PCDH15: variants seen among roughly 807,000 people sequenced by gnomAD.
PCDH15 encodes the protein protocadherin related 15, also known as protocadherin-15.
A neutral mutation model predicts 178.5 loss-of-function variants in PCDH15; 129 were observed. The ratio of observed to expected loss-of-function variants is 0.72; its 90% CI spans 0.63 to 0.84. PCDH15 has a LOEUF of 0.84. Ranked by LOEUF, PCDH15 falls within the 40% of genes least tolerant of loss-of-function variation. The pLI is 0.00. For synonymous variants in PCDH15, 800 were observed against 732.0 expected (o/e 1.09, Z -1.50); for missense variants, 2,230 against 2,099.9 (o/e 1.06, Z -1.21).
intron 2 of PCDH15, among the ~76,000 whole-genome samples, chr10:54,658,267 A>G (rs2094440649): frequency 1.3e-5 from 2 of 152,120 alleles, no homozygotes; most frequent in Admixed American, 1.3e-4. Flanking sequence ...GAGGACATCC[A>G]GATACAAACA....
At chr10:54,601,742 A>G (rs1426144792) in intron 2 of PCDH15, among the ~76,000 whole-genome samples, 3 of 152,048 alleles carry the variant, frequency 2.0e-5, no homozygotes, top group Non-Finnish European at 4.4e-5. Context: ...ATGCCCACAT[A>G]TGTTCATTTC....
intron 2 of PCDH15, among the ~76,000 whole-genome samples, chr10:55,125,954 T>C (rs1278772917): frequency 6.6e-6 from 1 of 152,130 alleles, no homozygotes; most frequent in Non-Finnish European, 1.5e-5. Context: ...CTGACCCAAG[T>C]CTCAATGCAT....
chr10:55,057,487 AG>A (rs1841333192), intron 2 of PCDH15, among the ~76,000 whole-genome samples: 2 of 152,194 alleles, frequency 1.3e-5, no homozygotes, highest in Non-Finnish European at 2.9e-5. Flanking sequence ...TTACTCAAGA[AG>A]CAATTTGAGC....
In PCDH15 at chr10:55,144,301, T is replaced by C. The variant is rs189160245; in HGVS notation, c.-80+22275A>G. ...AAAAAATCCACTGTGACATACATTA[T>C]GTGAAGGAAAATAATAGAACAAGTC... is the stretch of plus-strand genomic sequence containing the variant. On this transcript the variant is annotated intron_variant, in intron 2 of 5. Coordinates refer to the PCDH15 transcript ENST00000458638. Among the ~76,000 whole-genome samples the C allele has an allele frequency of 5.9e-5, 9 of 152,056 alleles. No individual in the cohort carries two copies. In the East Asian group the frequency reaches 7.7e-4, roughly 13 times the overall value.
intron 3 of PCDH15, chr10:54,864,896 T>A (rs1266333963): frequency 7.2e-5 from 11 of 152,130 alleles, no homozygotes; most frequent in African/African-American, 2.7e-4. Context: ...TACATTTTTT[T>A]AGAATCAATT....
At chr10:54,618,482 G>A (rs560330642) in intron 2 of PCDH15, among the ~76,000 whole-genome samples, 11 of 152,194 alleles carry the variant, frequency 7.2e-5, no homozygotes, top group Non-Finnish European at 1.2e-4. Flanking sequence ...TGATTGCTGT[G>A]AGCACCAAAT....
chr10:54,486,052 A>G (rs1270253964), intron 3 of PCDH15, among the ~76,000 whole-genome samples: 1 of 152,058 alleles, frequency 6.6e-6, no homozygotes, highest in Non-Finnish European at 1.5e-5. Flanking sequence ...TTTATCTTCC[A>G]TGAGCAGTCA....
chr10:53,804,876 G>A lies in PCDH15; in HGVS notation c.*1703C>T, dbSNP rs749687839. The A allele has an allele frequency of 5.3e-5, 8 of 151,850 alleles. No individual in the cohort carries two copies. The highest frequency in any genetic ancestry group is 8.8e-5 in the Non-Finnish European group (6 of 67,894). The allele number at this position is 151,850 out of a possible 1,614,324, so 9.4% of individuals were successfully genotyped here. A position where few individuals can be genotyped will look rare whatever the true frequency, so the allele number is the denominator to read the frequency against. On this transcript the variant is annotated 3_prime_UTR_variant, in exon 38 of 38. Coordinates refer to ENST00000644397, the MANE Select transcript of PCDH15 (RefSeq NM_001384140.1). ...GGATGCTTGTTTGGCAGGCCAGGAG[G>A]TGTGGTCATGATTCTACGTTTCTAA...
chr10:54,831,326 C>A (rs1008397053), intron 3 of PCDH15, among the ~76,000 whole-genome samples: 1 of 151,932 alleles, frequency 6.6e-6, no homozygotes, highest in Non-Finnish European at 1.5e-5. Context: ...TTATTGTCAA[C>A]ATTTGAAATA....
At chr10:54,683,819 A>G (rs988728972) in intron 1 of PCDH15, among the ~76,000 whole-genome samples, 4 of 152,120 alleles carry the variant, frequency 2.6e-5, no homozygotes, top group African/African-American at 9.7e-5. Context: ...TCTGCCTCTT[A>G]CATGCTACAA....
chr10:53,916,481 A>G (rs2083539694), intron 25 of PCDH15, among the ~76,000 whole-genome samples: 1 of 151,864 alleles, frequency 6.6e-6, no homozygotes, highest in African/African-American at 2.4e-5. Flanking sequence ...AAACGGATAC[A>G]TTTAAAAGCC....
chr10:54,474,687 T>C (rs1378889370), intron 3 of PCDH15, among the ~76,000 whole-genome samples: 1 of 151,958 alleles, frequency 6.6e-6, no homozygotes, highest in Admixed American at 6.6e-5. Flanking sequence ...TTGAATTACA[T>C]AATTTATTAA....
chr10:54,798,728 T>A (rs57925921), intron 1 of PCDH15, among the ~76,000 whole-genome samples: 6,683 of 152,192 alleles, frequency 0.044, 443 homozygotes, highest in African/African-American at 0.15. Flanking sequence ...TAACTTTTCC[T>A]TGTGTTCAAA....
intron 11 of PCDH15, among the ~76,000 whole-genome samples, chr10:54,188,346 C>T (rs1431051943): frequency 6.6e-6 from 1 of 151,818 alleles, no homozygotes; most frequent in Non-Finnish European, 1.5e-5. Flanking sequence ...CTAGGATGTA[C>T]ATGGACAAAT....
At chr10:54,157,498 C>T (rs561318078) in intron 13 of PCDH15, among the ~76,000 whole-genome samples, 3 of 152,296 alleles carry the variant, frequency 2.0e-5, no homozygotes, top group Admixed American at 2.0e-4. Context: ...GCACACAGAA[C>T]AGGGACCCTG....
intron 2 of PCDH15, among the ~76,000 whole-genome samples, chr10:54,610,896 T>A (rs185801415): frequency 1.3e-5 from 2 of 151,974 alleles, no homozygotes; most frequent in Non-Finnish European, 2.9e-5. Flanking sequence ...ACTTGAGAAA[T>A]ACATACAAAA....
At chr10:55,570,041 C>CT (rs908761424) in intron 2 of PCDH15, among the ~76,000 whole-genome samples, 27 of 151,860 alleles carry the variant, frequency 1.8e-4, no homozygotes, top group Middle Eastern at 3.4e-3. Context: ...CAAAATAGAG[C>CT]TTTTTTTTCT....
chr10:54,505,061 T>G (rs2081051524), intron 3 of PCDH15, among the ~76,000 whole-genome samples: 2 of 152,110 alleles, frequency 1.3e-5, no homozygotes, highest in African/African-American at 4.8e-5. Context: ...TCACTTTGTT[T>G]TTTTGTTTTT....
chr10:53,860,570 A>C (rs1350367431), intron 27 of PCDH15, among the ~76,000 whole-genome samples: 1 of 152,012 alleles, frequency 6.6e-6, no homozygotes, highest in Non-Finnish European at 1.5e-5. Context: ...GTCTCTACTA[A>C]AAATACAAAA....
Sources: allele counts gnomAD v4.1 joint callset (sites outside exome capture counted in the v4.1 genomes callset), GRCh38; gene constraint gnomAD v4.1.1; transcripts MANE v1.5; gene names NCBI Gene and HGNC (gene_info 2026-07-23, HGNC 2026-07-21).